The following DNAH1 variants were observed in gnomAD, a reference collection of about 807,000 sequenced individuals.
DNAH1 encodes the protein axonemal beta dynein heavy chain 1.
DNAH1 carries 327 observed loss-of-function variants against 484.3 expected under a neutral mutation model. The observed-to-expected ratio is 0.68, with a 90% CI of 0.62 to 0.74. DNAH1 has a LOEUF of 0.74. DNAH1 is among the 30% of genes least tolerant of loss of function. The pLI is 0.00. For missense variants in DNAH1, 5,052 were observed against 5,546.8 expected (o/e 0.91, Z 2.83); for synonymous variants, 2,192 against 2,191.9 (o/e 1.00, Z 0.00).
upstream of DNAH1, among the ~76,000 whole-genome samples, chr3:52,311,788 C>T (rs1003504842): frequency 6.6e-6 from 1 of 152,190 alleles, no homozygotes; most frequent in Non-Finnish European, 1.5e-5. Flanking sequence ...TGGCTATGTG[C>T]CTGAGCCCAG....
intron 48 of DNAH1, among the ~76,000 whole-genome samples, chr3:52,380,776 G>A (rs138171784): frequency 2.6e-5 from 4 of 152,316 alleles, no homozygotes; most frequent in Non-Finnish European, 4.4e-5. Flanking sequence ...CTGATCAGCC[G>A]AGCCCATGAT....
rs34355561 is a variant in DNAH1 at position 52,349,104 on chromosome 3, G to A, written c.2300+23G>A. The A allele has an allele frequency of 0.16, 264,413 of 1,612,318 alleles. 23,404 individuals carry two copies. The highest frequency in any genetic ancestry group is 0.26 in the African/African-American group (19,452 of 74,962). ...CAAGTGCGTACGTGTGCCCATGCAC[G>A]TCGGAGGGTGTCTGTGTGTTTGTGC... On this transcript the variant is annotated intron_variant, in intron 13 of 77. Transcript: ENST00000420323.
At chr3:52,386,974 T>A (rs1704139142) in intron 56 of DNAH1, 121 bp downstream of exon 56, 1 of 1,039,790 alleles carries the variant, frequency 9.6e-7, no homozygotes, top group Non-Finnish European at 1.4e-6. Flanking sequence ...GCCTCTGTCC[T>A]GTCTCTCTCT....
rs116300190 is a variant in DNAH1 at position 52,341,638 on chromosome 3, C to T, written c.1287-2852C>T. ...TGCAAAGGGCTTGACTTTTATATAT[C>T]TGCATCAGTGGTTGATCATAACTGG... On this transcript the variant is annotated intron_variant, in intron 8 of 77. Transcript: ENST00000420323. 8.6e-3 allele frequency among the ~76,000 whole-genome samples: 1,246 copies of T among 145,470 alleles called. 10 individuals carry two copies. Among genetic ancestry groups the T allele is most frequent in the Middle Eastern group, 0.03 (8 of 264 alleles).
intron 28 of DNAH1, 124 bp downstream of exon 28, chr3:52,360,548 GAC>G (rs1702812313): frequency 1.2e-5 from 9 of 773,376 alleles, no homozygotes; most frequent in Middle Eastern, 7.4e-4. Context: ...ACAGGGTTAG[GAC>G]CAAGGGCTTT....
chr3:52,321,709 ATACGTTTCC>A (rs1255416112), intron 1 of DNAH1: 1 of 152,228 alleles, frequency 6.6e-6, no homozygotes, highest in Non-Finnish European at 1.5e-5. Flanking sequence ...ACGGGAGGGT[ATACGTTTCC>A]TGAGCTGATC....
chr3:52,360,991 C>T (rs568632676), intron 28 of DNAH1, among the ~76,000 whole-genome samples, 173 bp from the exon 29 acceptor site: 4 of 152,062 alleles, frequency 2.6e-5, no homozygotes, highest in African/African-American at 7.2e-5. Context: ...GGACAGGGAA[C>T]GCGCTGGGCA....
chr3:52,350,166 C>A (rs1035984740), intron 15 of DNAH1, 58 bp downstream of exon 15: 2 of 1,581,624 alleles, frequency 1.3e-6, no homozygotes, highest in South Asian at 1.2e-5. Context: ...GTTAAGAGTC[C>A]GAGGGCTGGG....
intron 1 of DNAH1, among the ~76,000 whole-genome samples, chr3:52,317,422 C>T (rs1359415398): frequency 6.6e-6 from 1 of 152,118 alleles, no homozygotes; most frequent in South Asian, 2.1e-4. Context: ...GAGCCAAGCC[C>T]CAGGAGAACC....
rs770488524 is a variant in DNAH1, at chr3:52,322,683, C to T, written c.241C>T (p.Pro81Ser). Residue 81 changes from proline (P) to serine (S), a missense_variant, in exon 2 of 78, where the codon CCC (proline) becomes TCC (serine). Coordinates refer to ENST00000420323, the MANE Select transcript of DNAH1 (RefSeq NM_015512.5). ...AGACTTGGGGCAGCCACGGAAGTCA[C>T]CCCTGACAGGCACTGATAAGAAGTA... Reference protein sequence around the residue: ...LSDLGQPRKSPLTGTDKKYPL... With the variant: ...LSDLGQPRKSSLTGTDKKYPL... 9.3e-6 allele frequency: 15 copies of T among 1,613,758 alleles called. No homozygotes were observed. Among genetic ancestry groups the T allele is most frequent in the Admixed American group, 8.3e-5 (5 of 59,992 alleles).
Position 52,397,698 on chromosome 3 carries a change from C to G in DNAH1, c.11788-9C>G. 6.3e-7 allele frequency: 1 copy of G among 1,585,606 alleles called. No homozygotes were observed. Among genetic ancestry groups the G allele is most frequent in the Non-Finnish European group, 8.6e-7 (1 of 1,166,158 alleles). On this transcript the variant is annotated splice_polypyrimidine_tract_variant and intron_variant, in intron 73 of 77. Coordinates refer to ENST00000420323, the MANE Select transcript of DNAH1 (RefSeq NM_015512.5). ...CCAGGGGCTTCCATGTTGGCCTCCT[C>G]TCTCCTAGGGCTACCTCTCCTACAT...
chr3:52,347,283 C>T (rs1045432179), intron 11 of DNAH1, among the ~76,000 whole-genome samples: 13 of 152,044 alleles, frequency 8.6e-5, no homozygotes, highest in Admixed American at 8.5e-4. Context: ...GGAGGATAGG[C>T]CTGGCGCAGT....
rs189264230 is a variant in DNAH1 at position 52,364,999 on chromosome 3, G to A, written c.5498G>A (p.Ser1833Asn). The A allele has an allele frequency of 1.6e-5, 25 of 1,612,510 alleles. No homozygotes were observed. The African/African-American group carries it at 1.7e-4, about 11-fold the overall frequency. Residue 1833 changes from serine to asparagine, a missense_variant, in exon 34 of 78, where the codon AGC becomes AAC. Physicochemically the swap from Ser to Asn is conservative, Grantham distance 46 (BLOSUM62 1). Transcript: ENST00000420323. The surrounding 1 kb of genome is among the most constrained non-coding windows in gnomAD (Gnocchi z 4.2). The part of the protein sequence containing the change: ...DEAIREACRN[S>N]NLKDVEGFLT... ...GCCATCCGCGAGGCCTGCAGGAACA[G>A]CAACCTCAAGGATGTGGAGGGTGAG...
rs1702276594 is a variant in DNAH1 at position 52,349,331 on chromosome 3, G to T, written c.2437G>T (p.Val813Phe). 3 of 1,614,006 alleles carry T rather than the reference G, an allele frequency of 1.9e-6. No individual in the cohort carries two copies. The South Asian group carries it at 3.3e-5, about 18-fold the overall frequency. Reference sequence around the variant, plus strand: ...GCCTTTCTACATCAACACCGACAATGTCAAGCAGAGCCTGTCCAAGAAACG... The same window carrying T: ...GCCTTTCTACATCAACACCGACAATTTCAAGCAGAGCCTGTCCAAGAAACG... The part of the protein sequence containing the change: ...IGPFYINTDN[V>F]KQSLSKKRKA... The change falls in exon 14 of 78, where the codon GTC becomes TTC. Residue 813 changes from valine (V) to phenylalanine (F), a missense_variant. Physicochemically the swap from Val to Phe is conservative, Grantham distance 50. Transcript: ENST00000420323.
chr3:52,365,075 C>T, intron 34 of DNAH1, 56 bp downstream of exon 34: 2 of 1,564,142 alleles, frequency 1.3e-6, no homozygotes, highest in Admixed American at 3.5e-5. Flanking sequence ...ACCTTGGAGT[C>T]CAGGTCAGGG....
chr3:52,331,941 C>A (rs895557117), intron 7 of DNAH1, among the ~76,000 whole-genome samples: 2 of 152,154 alleles, frequency 1.3e-5, no homozygotes, highest in Admixed American at 1.3e-4. Flanking sequence ...TAAGTGCTTT[C>A]ACATCCGTCC....
chr3:52,399,419 TGGTA>T (rs1298439699), intron 76 of DNAH1, 122 bp from the exon 77 acceptor site: 1 of 976,994 alleles, frequency 1.0e-6, no homozygotes, highest in East Asian at 2.6e-5. Flanking sequence ...TGGGCTAAAG[TGGTA>T]GGTACGTGAT....
Position 52,352,068 on chromosome 3 carries a change from C to A in DNAH1, c.2836C>A (p.Gln946Lys). 1 of 1,586,274 alleles carries A rather than the reference C, an allele frequency of 6.3e-7. No individual in the cohort carries two copies. Among genetic ancestry groups the A allele is most frequent in the African/African-American group, 1.3e-5 (1 of 74,384 alleles). Reference sequence around the variant, plus strand: ...GTTCCGCAAAATCCAGATCATGGATCAGAACAACTTCCAAGAGAAGCTGGA... The same window carrying A: ...GTTCCGCAAAATCCAGATCATGGATAAGAACAACTTCCAAGAGAAGCTGGA... ...EKFRKIQIMD[Q>K]NNFQEKLEGL... is the part of the protein sequence containing the mutation. Residue 946 changes from glutamine (Q) to lysine (K), a missense_variant, in exon 17 of 78, where the codon CAG becomes AAG. Gln to Lys is a moderately conservative substitution (Grantham distance 53). Around this residue, in one of 4 missense-constraint regions of DNAH1, gnomAD observed 1,263 missense variants for 1,218.8 expected, o/e 1.04. Transcript: ENST00000420323.
chr3:52,356,792 G>A lies in DNAH1; in HGVS notation c.3858+14G>A. 1 of 1,586,858 alleles carries A rather than the reference G, an allele frequency of 6.3e-7. No homozygotes were observed. The highest frequency in any genetic ancestry group is 8.6e-7 in the Non-Finnish European group (1 of 1,166,154). ...GAGAACCGGGAGGCAAGCTCAATGA[G>A]GGTGGGAGGGGCAGCTGGGATCCCC... On this transcript the variant is annotated intron_variant, in intron 22 of 77. Transcript: ENST00000420323.
Sources: gnomAD v4.1 joint callset for allele counts (sites outside exome capture counted in the v4.1 genomes callset) on GRCh38, gnomAD v4.1.1 for gene constraint, gnomAD v4.1.1 regional missense constraint, Gnocchi (gnomAD v3.1) non-coding constraint, MANE v1.5 for transcripts, NCBI Gene and HGNC (gene_info 2026-07-23, HGNC 2026-07-21) for gene names.